FHAD1: variants seen among roughly 807,000 people sequenced by gnomAD.
FHAD1 encodes the protein forkhead associated phosphopeptide binding domain 1.
Under a neutral mutation model 191.3 loss-of-function variants are expected in FHAD1, and 146 were observed. The ratio of observed to expected loss-of-function variants is 0.76; its 90% CI spans 0.67 to 0.88. FHAD1 has a LOEUF of 0.88. Ranked by LOEUF, FHAD1 falls within the 40% of genes least tolerant of loss-of-function variation. FHAD1 has a pLI of 0.00. For missense variants in FHAD1, 1,635 were observed against 1,785.8 expected, an observed-to-expected ratio of 0.92 and a Z score of 1.52; for synonymous variants, 616 against 672.3, an observed-to-expected ratio of 0.92 and a Z score of 1.29.
chr1:15,293,724 A>C (rs951204002), intron 4 of FHAD1, among the ~76,000 whole-genome samples: 1 of 150,832 alleles, frequency 6.6e-6, no homozygotes, highest in African/African-American at 2.5e-5. Flanking sequence ...ACCTCAAAAA[A>C]CCAACAAACA....
chr1:15,295,482 C>T (rs183594807), intron 4 of FHAD1, among the ~76,000 whole-genome samples: 47 of 152,206 alleles, frequency 3.1e-4, no homozygotes, highest in African/African-American at 1.1e-3. Context: ...GTAGCATGCA[C>T]CTGTAGTCAC....
In FHAD1 at chr1:15,358,204, C is replaced by A. The variant is rs1448261109; in HGVS notation, c.2657C>A (p.Thr886Asn). 6.5e-7 allele frequency: 1 copy of A among 1,540,740 alleles called. No homozygotes were observed. Among genetic ancestry groups the A allele is most frequent in the Non-Finnish European group, 8.7e-7 (1 of 1,144,676 alleles). ...GAAGAGACTCAGAAAACAAAGGCAA[C>A]TGAAAGTCTAAAAGCAGAGAGCCTC... ...MVEETQKTKA[T>N]ESLKAESLAL... Residue 886 changes from threonine (T) to asparagine (N), a missense_variant, in exon 21 of 34, where the codon ACT becomes AAT. Transcript: ENST00000688493.
chr1:15,351,804 G>A (rs1467868982), intron 19 of FHAD1, among the ~76,000 whole-genome samples: 1 of 147,602 alleles, frequency 6.8e-6, no homozygotes, highest in Non-Finnish European at 1.5e-5. Flanking sequence ...AAAAAGCCAG[G>A]TCTGCACTGG....
At chr1:15,292,587 TA>T (rs1226774355) in intron 4 of FHAD1, among the ~76,000 whole-genome samples, 5 of 152,112 alleles carry the variant, frequency 3.3e-5, no homozygotes, top group African/African-American at 9.7e-5. Flanking sequence ...CACCCGCCTT[TA>T]AAGAGGTAAT....
At chr1:15,369,722 C>G (rs963341725) in intron 26 of FHAD1, among the ~76,000 whole-genome samples, 1 of 152,220 alleles carries the variant, frequency 6.6e-6, no homozygotes, top group Non-Finnish European at 1.5e-5. Context: ...ATCTTTCCCT[C>G]GGAGAGGCCT....
intron 10 of FHAD1, among the ~76,000 whole-genome samples, chr1:15,320,248 T>C (rs191609100): frequency 2.0e-5 from 3 of 152,344 alleles, no homozygotes; most frequent in Admixed American, 2.0e-4. Flanking sequence ...TTGATATTAA[T>C]TGAGACTTGT....
intron 20 of FHAD1, 110 bp downstream of exon 20, chr1:15,353,094 G>T (rs976611076): frequency 2.7e-6 from 2 of 752,102 alleles, no homozygotes; most frequent in African/African-American, 1.8e-5. Context: ...CTGGCTGGGG[G>T]ACTTCAGGCT....
intron 3 of FHAD1, among the ~76,000 whole-genome samples, chr1:15,278,356 G>A (rs1308974139): frequency 6.6e-6 from 1 of 152,188 alleles, no homozygotes; most frequent in Non-Finnish European, 1.5e-5. Context: ...AGATTCTGGG[G>A]ATAGGAGAAA....
intron 2 of FHAD1, among the ~76,000 whole-genome samples, chr1:15,255,120 T>TAAAAAAAA (rs55969718): frequency 6.8e-6 from 1 of 147,756 alleles, no homozygotes; most frequent in African/African-American, 2.5e-5. Flanking sequence ...TCAGGAATCT[T>TAAAAAAAA]AAAAAAGTCA....
At chr1:15,332,316 A>G (rs1682007352) in intron 14 of FHAD1, among the ~76,000 whole-genome samples, 1 of 152,330 alleles carries the variant, frequency 6.6e-6, no homozygotes, top group African/African-American at 2.4e-5. Flanking sequence ...TGGCAATAAT[A>G]GAGCCAAGCT....
chr1:15,281,790 G>C (rs558227058), intron 3 of FHAD1, among the ~76,000 whole-genome samples: 3 of 150,704 alleles, frequency 2.0e-5, no homozygotes, highest in East Asian at 2.0e-4. Context: ...AAAAAGGAGA[G>C]GGGAGGAAGG....
intron 14 of FHAD1, among the ~76,000 whole-genome samples, chr1:15,337,531 C>T (rs76509354): frequency 0.017 from 2,602 of 152,238 alleles, 41 homozygotes; most frequent in Non-Finnish European, 0.026. Flanking sequence ...GATCGTCTGG[C>T]GACATTTTTG....
intron 2 of FHAD1, among the ~76,000 whole-genome samples, chr1:15,261,513 C>T (rs1203680392): frequency 6.6e-6 from 1 of 152,120 alleles, no homozygotes; most frequent in African/African-American, 2.4e-5. Context: ...ACAGGACTCT[C>T]GGAACTCTCC....
At chr1:15,291,430 A>G (rs1162801706) in intron 4 of FHAD1, among the ~76,000 whole-genome samples, 1 of 152,134 alleles carries the variant, frequency 6.6e-6, no homozygotes, top group Non-Finnish European at 1.5e-5. Context: ...CATTTTGTGA[A>G]TTCATTAATT....
chr1:15,348,827 C>G (rs922737274), intron 18 of FHAD1, among the ~76,000 whole-genome samples: 4 of 152,094 alleles, frequency 2.6e-5, no homozygotes, highest in African/African-American at 9.7e-5. Flanking sequence ...TCCTGCTCCT[C>G]GGTTTCCTCA....
At chr1:15,288,521 GGGACCCACAGTAT>G (rs1367401652) in intron 3 of FHAD1, among the ~76,000 whole-genome samples, 7 of 152,246 alleles carry the variant, frequency 4.6e-5, no homozygotes, top group African/African-American at 1.7e-4. Context: ...GAGGGATAGA[GGGACCCACAGTAT>G]GGACAGAAAG....
intron 2 of FHAD1, among the ~76,000 whole-genome samples, chr1:15,271,730 GA>G (rs1239220620): frequency 4.0e-5 from 6 of 151,820 alleles, no homozygotes; most frequent in Admixed American, 1.3e-4. Flanking sequence ...CGTAAGCATA[GA>G]AAAAAAACGT....
rs1475102348 is a variant in FHAD1 at position 15,311,324 on chromosome 1, T to C, written c.1040-1733T>C. On this transcript the variant is annotated intron_variant, in intron 7 of 33. Transcript: ENST00000688493. The surrounding 1 kb of genome is among the most constrained non-coding windows in gnomAD (Gnocchi z 4.1). ...GAGTCAGGTGTGATGAGCACGTGCA[T>C]GTGGGCAGGGAAGGAACCACCCAGG... 6.6e-6 allele frequency among the ~76,000 whole-genome samples: 1 copy of C among 152,146 alleles called. No homozygotes were observed. Among genetic ancestry groups the C allele is most frequent in the Non-Finnish European group, 1.5e-5 (1 of 68,026 alleles).
At position 15,329,463 on chromosome 1, in the gene FHAD1, A is replaced by C. The variant is rs1680329242; in HGVS notation, c.1828A>C (p.Arg610=). ...CCAGAAGGTGGTGCTGGACGTCCTG[A>C]GGCACGCGCTGTCCTGGCTGGAGGA... ...GLQKVVLDVL[R]HALSWLEEVE... is the part of the protein sequence containing the mutation. Residue 610 remains arginine, a synonymous_variant, in exon 14 of 34, where the codon AGG becomes CGG. Transcript: ENST00000688493. This position sits in a 1 kb window ranked among gnomAD's most constrained non-coding sequence, Gnocchi z 5.0. 6.4e-7 allele frequency: 1 copy of C among 1,551,112 alleles called. No individual in the cohort carries two copies. Among genetic ancestry groups the C allele is most frequent in the African/African-American group, 1.4e-5 (1 of 73,002 alleles).
Sources: allele counts gnomAD v4.1 joint callset (sites outside exome capture counted in the v4.1 genomes callset), GRCh38; gene constraint gnomAD v4.1.1; non-coding constraint Gnocchi (gnomAD v3.1); transcripts MANE v1.5; gene names NCBI Gene and HGNC (gene_info 2026-07-23, HGNC 2026-07-21).